The following AFAP1L1 variants were observed in gnomAD, a reference collection of about 807,000 sequenced individuals.
AFAP1L1 encodes actin filament associated protein 1 like 1, also known as actin filament-associated protein 1-like 1.
A neutral mutation model predicts 99.8 loss-of-function variants in AFAP1L1; 77 were observed. The ratio of observed to expected loss-of-function variants is 0.77; its 90% CI spans 0.64 to 0.93. The LOEUF (loss-of-function observed/expected upper bound fraction) is 0.93. AFAP1L1 is among the 40% of genes least tolerant of loss of function. The pLI, the probability that AFAP1L1 is intolerant of heterozygous loss-of-function variation, is 0.00. For missense variants in AFAP1L1, 893 were observed against 996.8 expected, an observed-to-expected ratio of 0.90 and a Z score of 1.40; for synonymous variants, 373 against 395.3, an observed-to-expected ratio of 0.94 and a Z score of 0.67.
At chr5:149,299,919 TCACATAGAACACACACACC>T (rs1427274379) in intron 2 of AFAP1L1, among the ~76,000 whole-genome samples, 1 of 149,438 alleles carries the variant, frequency 6.7e-6, no homozygotes, top group African/African-American at 2.5e-5. Context: ...ACACACACAC[TCACATAGAACACACACACC>T]CACATACCCC....
intron 16 of AFAP1L1, among the ~76,000 whole-genome samples, chr5:149,330,980 A>G (rs950422721): frequency 2.6e-5 from 4 of 151,990 alleles, no homozygotes; most frequent in Non-Finnish European, 5.9e-5. Flanking sequence ...TGCACCATGC[A>G]TTAAATACAT....
At chr5:149,282,159 C>T (rs1755538068) in intron 1 of AFAP1L1, among the ~76,000 whole-genome samples, 1 of 152,222 alleles carries the variant, frequency 6.6e-6, no homozygotes. Context: ...CCTGGCACAG[C>T]TGTCAGGCTG....
intron 17 of AFAP1L1, among the ~76,000 whole-genome samples, chr5:149,335,375 C>T (rs1291744434): frequency 6.6e-6 from 1 of 152,188 alleles, no homozygotes; most frequent in East Asian, 1.9e-4. Flanking sequence ...GTAATCCCAG[C>T]TACTCGAGAG....
At chr5:149,282,053 G>A (rs1162484196) in intron 1 of AFAP1L1, among the ~76,000 whole-genome samples, 1 of 152,154 alleles carries the variant, frequency 6.6e-6, no homozygotes, top group African/African-American at 2.4e-5. Context: ...GGGCCCGGCC[G>A]GGGTCTATCC....
intron 16 of AFAP1L1, among the ~76,000 whole-genome samples, chr5:149,332,438 C>T (rs533055076): frequency 4.8e-4 from 73 of 152,156 alleles, no homozygotes; most frequent in African/African-American, 1.4e-3. Context: ...GGTTTCCCAA[C>T]GAAAACTCAG....
Position 149,340,189 on chromosome 5 carries a change from G to A in AFAP1L1, c.*159G>A. The stretch of plus-strand genomic sequence containing the variant: ...CTTTATTGTCTGCATGATTTTAGGG[G>A]ATATGGGGAGGGAACAAGTAGAAGG... On this transcript the variant is annotated 3_prime_UTR_variant, in exon 19 of 19. Coordinates refer to ENST00000296721, the MANE Select transcript of AFAP1L1 (RefSeq NM_152406.4). 2.8e-6 allele frequency: 2 copies of A among 715,594 alleles called. No individual in the cohort carries two copies. The highest frequency in any genetic ancestry group is 4.6e-6 in the Non-Finnish European group (2 of 430,522). 44.3% of individuals were successfully genotyped at this position (715,594 alleles called of 1,614,324 possible).
intron 2 of AFAP1L1, 30 bp downstream of exon 2, chr5:149,299,667 C>T (rs377238842): frequency 6.2e-7 from 1 of 1,613,704 alleles, no homozygotes; most frequent in South Asian, 1.1e-5. Context: ...CCTGGAGGAG[C>T]TCCACTTATG....
rs148815454 is a variant in AFAP1L1 at position 149,317,739 on chromosome 5, C to T, written c.1278C>T (p.Asn426=). The T allele has an allele frequency of 3.4e-5, 55 of 1,613,936 alleles. No individual in the cohort carries two copies. The highest frequency in any genetic ancestry group is 6.7e-5 in the Admixed American group (4 of 59,998). ...EEEVPCCGYL[N]VLVNQGWKER... ...CATTGTCTCCTCCAGGCTACCTGAA[C>T]GTGCTGGTGAACCAGGGCTGGAAGG... The change falls in exon 12 of 19, where the codon AAC becomes AAT. Residue 426 remains asparagine, a synonymous_variant. Transcript: ENST00000296721.
chr5:149,284,563 TC>T (rs1169495536), intron 1 of AFAP1L1, among the ~76,000 whole-genome samples: 1 of 152,234 alleles, frequency 6.6e-6, no homozygotes, highest in Non-Finnish European at 1.5e-5. Flanking sequence ...ATCCAAGTTA[TC>T]TCTGACACTT....
chr5:149,283,455 C>G (rs1755582143), intron 1 of AFAP1L1, among the ~76,000 whole-genome samples: 1 of 151,860 alleles, frequency 6.6e-6, no homozygotes, highest in Non-Finnish European at 1.5e-5. Flanking sequence ...AGAAGAAAAT[C>G]AAAATTAAAT....
chr5:149,301,125 C>T lies in AFAP1L1; in HGVS notation c.230-8C>T. 1 of 1,613,608 alleles carries T rather than the reference C, an allele frequency of 6.2e-7. No homozygotes were observed. The highest frequency in any genetic ancestry group is 8.5e-7 in the Non-Finnish European group (1 of 1,179,636). On this transcript the variant is annotated splice_region_variant and splice_polypyrimidine_tract_variant and intron_variant, in intron 3 of 18. Transcript: ENST00000296721. ...GCTTTCTTTGCCCAATGGCCTGTCCCTCTGTAGACTGTGACCTGAGTGACC... is the reference window on the plus strand; with the variant it reads ...GCTTTCTTTGCCCAATGGCCTGTCCTTCTGTAGACTGTGACCTGAGTGACC...
intron 1 of AFAP1L1, among the ~76,000 whole-genome samples, chr5:149,289,153 C>T (rs1287788926): frequency 2.6e-5 from 4 of 152,242 alleles, no homozygotes; most frequent in Middle Eastern, 3.4e-3. Context: ...ATAACTCATC[C>T]GAAATTACGT....
intron 1 of AFAP1L1, among the ~76,000 whole-genome samples, chr5:149,282,408 G>A (rs984601004): frequency 1.3e-4 from 20 of 152,186 alleles, no homozygotes; most frequent in African/African-American, 4.3e-4. Flanking sequence ...AGCTAAATGA[G>A]TAGTGTAGTG....
intron 14 of AFAP1L1, among the ~76,000 whole-genome samples, chr5:149,321,621 C>T (rs774198393): frequency 6.9e-6 from 1 of 145,746 alleles, no homozygotes; most frequent in Non-Finnish European, 1.5e-5. Context: ...CCTAGCTACT[C>T]GAGAGGCTGA....
intron 2 of AFAP1L1, among the ~76,000 whole-genome samples, chr5:149,299,875 A>G (rs1423247082): frequency 6.6e-6 from 1 of 150,840 alleles, no homozygotes; most frequent in Non-Finnish European, 1.5e-5. Flanking sequence ...TGCTCTTTGT[A>G]CTCCTTCACC....
intron 2 of AFAP1L1, 144 bp downstream of exon 2, chr5:149,299,781 A>G: frequency 7.5e-7 from 1 of 1,328,496 alleles, no homozygotes; most frequent in Non-Finnish European, 1.0e-6. Context: ...AGCCCTGGAC[A>G]CAGCGTCCAA....
chr5:149,285,374 T>C (rs967280931), intron 1 of AFAP1L1, among the ~76,000 whole-genome samples: 3 of 152,196 alleles, frequency 2.0e-5, no homozygotes, highest in African/African-American at 7.2e-5. Flanking sequence ...ATGATTCATA[T>C]GTACCTGGCA....
intron 1 of AFAP1L1, chr5:149,276,861 A>G (rs1370506285): frequency 6.6e-6 from 1 of 152,202 alleles, no homozygotes; most frequent in Non-Finnish European, 1.5e-5. Flanking sequence ...GTGATCCCTT[A>G]TGGTGCTTAT....
intron 15 of AFAP1L1, among the ~76,000 whole-genome samples, chr5:149,324,790 T>C (rs1757049274): frequency 6.6e-6 from 1 of 152,208 alleles, no homozygotes; most frequent in Admixed American, 6.5e-5. Flanking sequence ...GAAGGAGGCC[T>C]CAGTTCTTTG....
Sources: allele counts gnomAD v4.1 joint callset (sites outside exome capture counted in the v4.1 genomes callset), GRCh38; gene constraint gnomAD v4.1.1; transcripts MANE v1.5; gene names NCBI Gene and HGNC (gene_info 2026-07-23, HGNC 2026-07-21).